Variants in FNDC3B observed in about 807,000 individuals in gnomAD.
FNDC3B encodes fibronectin type III domain-containing protein 3B.
Under a neutral mutation model 151.5 loss-of-function variants are expected in FNDC3B, and 12 were observed. The ratio of observed to expected loss-of-function variants is 0.08; its 90% CI spans 0.05 to 0.13. The LOEUF is 0.13. Ranked by LOEUF, FNDC3B falls within the 10% of genes least tolerant of loss-of-function variation. The pLI is 1.00. For missense variants in FNDC3B, 1,214 were observed against 1,505.3 expected (o/e 0.81, Z 3.20); for synonymous variants, 528 against 549.0 (o/e 0.96, Z 0.54).
At chr3:172,065,350 G>A (rs1339391406) in intron 1 of FNDC3B, among the ~76,000 whole-genome samples, 1 of 151,970 alleles carries the variant, frequency 6.6e-6, no homozygotes, top group Admixed American at 6.6e-5. Context: ...AAAAATTTTT[G>A]GTAGACTCCT....
At chr3:172,186,687 A>G (rs1255321385) in intron 3 of FNDC3B, 3 of 698,236 alleles carry the variant, frequency 4.3e-6, no homozygotes, top group Non-Finnish European at 7.8e-6. Context: ...GTACCTCCCT[A>G]TCTTGATTTT....
intron 12 of FNDC3B, 31 bp downstream of exon 12, chr3:172,329,107 A>T: frequency 6.3e-7 from 1 of 1,587,992 alleles, no homozygotes; most frequent in Non-Finnish European, 8.6e-7. Flanking sequence ...CTTGCCCTTC[A>T]GCCTTTGGAT....
chr3:172,168,804 C>G (rs565232576), intron 3 of FNDC3B, among the ~76,000 whole-genome samples: 1 of 150,572 alleles, frequency 6.6e-6, no homozygotes, highest in Non-Finnish European at 1.5e-5. Context: ...CCTCCGCTTC[C>G]CGGGTTCAAG....
At chr3:172,057,747 T>A (rs751014596) in intron 1 of FNDC3B, among the ~76,000 whole-genome samples, 3 of 151,898 alleles carry the variant, frequency 2.0e-5, no homozygotes, top group Non-Finnish European at 4.4e-5. Context: ...TAAAGGTCAG[T>A]TTCTTCAGTG....
At chr3:172,179,148 G>C (rs1332076061) in intron 3 of FNDC3B, among the ~76,000 whole-genome samples, 1 of 152,044 alleles carries the variant, frequency 6.6e-6, no homozygotes, top group South Asian at 2.1e-4. Flanking sequence ...TGCAAAGTCC[G>C]CCTCCCAGGT....
intron 4 of FNDC3B, among the ~76,000 whole-genome samples, chr3:172,233,216 A>G (rs1056221028): frequency 8.5e-5 from 13 of 152,236 alleles, no homozygotes; most frequent in African/African-American, 3.1e-4. Flanking sequence ...TAAAAAGCAT[A>G]TGAAGAGAAA....
intron 1 of FNDC3B, among the ~76,000 whole-genome samples, chr3:172,109,200 C>T (rs1172762838): frequency 7.1e-6 from 1 of 140,624 alleles, no homozygotes; most frequent in East Asian, 2.2e-4. Context: ...GAGTCTTGCT[C>T]TGTCACCCAG....
intron 1 of FNDC3B, among the ~76,000 whole-genome samples, chr3:172,064,317 T>C (rs527778831): frequency 6.6e-6 from 1 of 152,276 alleles, no homozygotes; most frequent in South Asian, 2.1e-4. Context: ...AAGAAATGAA[T>C]TTCTGTTGTT....
At chr3:172,264,111 T>C (rs1198009347) in intron 6 of FNDC3B, among the ~76,000 whole-genome samples, 1 of 152,170 alleles carries the variant, frequency 6.6e-6, no homozygotes, top group African/African-American at 2.4e-5. Context: ...CTCAGACTTC[T>C]GAGCAGCTGG....
intron 23 of FNDC3B, among the ~76,000 whole-genome samples, chr3:172,372,907 A>G (rs1025924808): frequency 2.0e-5 from 3 of 152,214 alleles, no homozygotes; most frequent in African/African-American, 7.2e-5. Flanking sequence ...CCCATTTTAC[A>G]AATGGGAGGA....
chr3:172,164,723 T>G (rs1459244372), intron 3 of FNDC3B, among the ~76,000 whole-genome samples: 2 of 152,234 alleles, frequency 1.3e-5, no homozygotes, highest in Non-Finnish European at 2.9e-5. Context: ...TAGTGCATTC[T>G]CACTGGAGCT....
rs143760260 is a variant in FNDC3B, at chr3:172,312,648, G to A, written c.1254+1767G>A. On this transcript the variant is annotated intron_variant, in intron 11 of 25. Coordinates refer to ENST00000415807, the MANE Select transcript of FNDC3B (RefSeq NM_022763.4). The stretch of plus-strand genomic sequence containing the variant: ...GGGCACTGTGTGTGTATGTGCGTGC[G>A]TGCATGCACACACTCGTGCATGCAT... 1.8e-4 allele frequency among the ~76,000 whole-genome samples: 27 copies of A among 151,900 alleles called. 1 individual carries two copies. In the East Asian group the frequency reaches 5.0e-3, roughly 28 times the overall value.
At position 172,397,703 on chromosome 3, in the gene FNDC3B, G is replaced by A; in HGVS notation, c.*228G>A. 1 of 303,698 alleles carries A rather than the reference G, an allele frequency of 3.3e-6. No homozygotes were observed. The highest frequency in any genetic ancestry group is 5.9e-6 in the Non-Finnish European group (1 of 170,468). 18.8% of individuals were successfully genotyped at this position (303,698 alleles called of 1,614,324 possible). ...AAAAAAAGAAAAAAAAAGAAGAAAA[G>A]TATACCAGATACCAAAAGCTAGCTT... On this transcript the variant is annotated 3_prime_UTR_variant, in exon 26 of 26. Transcript: ENST00000415807.
intron 25 of FNDC3B, among the ~76,000 whole-genome samples, chr3:172,383,762 G>A (rs748142163): frequency 3.3e-5 from 5 of 152,156 alleles, no homozygotes; most frequent in Non-Finnish European, 7.3e-5. Flanking sequence ...ATGTTTCATA[G>A]CCCTTGTTGA....
rs1033363246 is a variant in FNDC3B at position 172,385,014 on chromosome 3, A to G, written c.3303+3921A>G. Among the ~76,000 whole-genome samples, 21 of 152,226 alleles carry G rather than the reference A, an allele frequency of 1.4e-4. 1 individual carries two copies. The highest frequency in any genetic ancestry group is 2.6e-4 in the Non-Finnish European group (18 of 68,008). The stretch of plus-strand genomic sequence containing the variant: ...TCCTGCATTTACCAAGAAATGATTA[A>G]GGAGAGTAGTCGTACATGAAAAGCC... On this transcript the variant is annotated intron_variant, in intron 25 of 25. Transcript: ENST00000415807.
At chr3:172,152,771 C>A (rs1576913523) in intron 3 of FNDC3B, among the ~76,000 whole-genome samples, 1 of 152,196 alleles carries the variant, frequency 6.6e-6, no homozygotes, top group East Asian at 1.9e-4. Flanking sequence ...GCTTAGGAAT[C>A]CAGGTGCCTA....
intron 22 of FNDC3B, among the ~76,000 whole-genome samples, chr3:172,353,845 G>C (rs1485715177): frequency 6.6e-6 from 1 of 152,116 alleles, no homozygotes; most frequent in Non-Finnish European, 1.5e-5. Context: ...AGCTGAATGT[G>C]AAAAGAAACT....
At chr3:172,241,455 T>A (rs1727483206) in intron 4 of FNDC3B, among the ~76,000 whole-genome samples, 1 of 152,098 alleles carries the variant, frequency 6.6e-6, no homozygotes, top group African/African-American at 2.4e-5. Flanking sequence ...TTGGGCAATT[T>A]ACATAGGAAA....
At position 172,400,537 on chromosome 3, in the gene FNDC3B, G is replaced by A. The variant is rs191284948; in HGVS notation, c.*3062G>A. 6 of 152,616 alleles carry A rather than the reference G, an allele frequency of 3.9e-5. No homozygotes were observed. The highest frequency in any genetic ancestry group is 1.9e-4 in the East Asian group (1 of 5,180). The allele number at this position is 152,616 out of a possible 1,614,324, so 9.5% of individuals were successfully genotyped here. A position where few individuals can be genotyped will look rare whatever the true frequency, so the allele number is the denominator to read the frequency against. ...GAGAAAAAGAAAATCATGTTTTCCTGTATTGTAAATTTTAGACTATTTCAT... is the reference window on the plus strand; with the variant it reads ...GAGAAAAAGAAAATCATGTTTTCCTATATTGTAAATTTTAGACTATTTCAT... On this transcript the variant is annotated 3_prime_UTR_variant, in exon 26 of 26. Transcript: ENST00000415807.
Sources: allele counts gnomAD v4.1 joint callset (sites outside exome capture counted in the v4.1 genomes callset), GRCh38; gene constraint gnomAD v4.1.1; transcripts MANE v1.5; gene names NCBI Gene and HGNC (gene_info 2026-07-23, HGNC 2026-07-21).